The following FAM118A variants were observed in gnomAD, a reference collection of about 807,000 sequenced individuals.
FAM118A encodes SIR2 antiphage like 2.
Under a neutral mutation model 38.2 loss-of-function variants are expected in FAM118A, and 25 were observed. The ratio of observed to expected loss-of-function variants is 0.65; its 90% CI spans 0.48 to 0.91. The LOEUF (loss-of-function observed/expected upper bound fraction) is 0.91. Ranked by LOEUF, FAM118A falls within the 40% of genes least tolerant of loss-of-function variation. FAM118A has a pLI of 0.00. For synonymous variants in FAM118A, 178 were observed against 184.1 expected (o/e 0.97, Z 0.27); for missense variants, 425 against 463.3 (o/e 0.92, Z 0.76).
At chr22:45,332,370 T>C in intron 5 of FAM118A, 55 bp from the exon 6 acceptor site, 1 of 1,559,302 alleles carries the variant, frequency 6.4e-7, no homozygotes, top group South Asian at 1.2e-5. Context: ...TGGTTAGTTG[T>C]AAGCTCTTGC....
At chr22:45,324,908 G>C (rs773663179) in intron 3 of FAM118A, among the ~76,000 whole-genome samples, 3 of 152,204 alleles carry the variant, frequency 2.0e-5, no homozygotes, top group Admixed American at 6.5e-5. Flanking sequence ...TTAACCTGGC[G>C]TGGTGGCAGG....
chr22:45,335,215 C>T lies in FAM118A; in HGVS notation c.938-135C>T, dbSNP rs1260644430. The T allele has an allele frequency of 5.4e-5, 47 of 874,794 alleles. No individual in the cohort carries two copies. In the East Asian group the frequency reaches 1.0e-3, roughly 19 times the overall value. The allele number at this position is 874,794 out of a possible 1,614,324, so 54.2% of individuals were successfully genotyped here. On this transcript the variant is annotated intron_variant, in intron 6 of 8. Coordinates refer to ENST00000441876, the MANE Select transcript of FAM118A (RefSeq NM_017911.4). ...TGAGGGCAGCGAGCAGCGCAGGAGT[C>T]CGCAGCCCGCGCGGGCTGACCTGCC... is the stretch of plus-strand genomic sequence containing the variant.
intron 6 of FAM118A, among the ~76,000 whole-genome samples, chr22:45,334,144 T>C (rs1202189845): frequency 6.6e-6 from 1 of 152,246 alleles, no homozygotes; most frequent in Non-Finnish European, 1.5e-5. Flanking sequence ...CTTGGCACTT[T>C]TGAGAAATTG....
chr22:45,332,200 C>T (rs1456727346), intron 5 of FAM118A, among the ~76,000 whole-genome samples: 1 of 152,176 alleles, frequency 6.6e-6, no homozygotes, highest in Admixed American at 6.5e-5. Flanking sequence ...TGGGGACAGG[C>T]AGGCTCAGCC....
At chr22:45,337,511 C>T (rs1332934915) in intron 8 of FAM118A, among the ~76,000 whole-genome samples, 1 of 152,080 alleles carries the variant, frequency 6.6e-6, no homozygotes, top group Non-Finnish European at 1.5e-5. Context: ...TTTTTAGGTT[C>T]TTCTTTCCCC....
chr22:45,313,149 C>T (rs1383091217), intron 1 of FAM118A, among the ~76,000 whole-genome samples: 5 of 151,830 alleles, frequency 3.3e-5, no homozygotes, highest in East Asian at 1.9e-4. Context: ...AGTAGTAAGA[C>T]GGGAAACAGG....
intron 8 of FAM118A, chr22:45,337,875 G>T (rs1485894394): frequency 1.0e-6 from 1 of 985,324 alleles, no homozygotes; most frequent in East Asian, 1.1e-4. Flanking sequence ...TTTGGCATGG[G>T]ATTCTCCGTT....
chr22:45,323,077 A>T, intron 2 of FAM118A, 98 bp from the exon 3 acceptor site: 1 of 886,116 alleles, frequency 1.1e-6, no homozygotes, highest in Non-Finnish European at 1.6e-6. Flanking sequence ...GTGTGTGTGT[A>T]CACAGCACAA....
chr22:45,316,186 C>T (rs867288201), intron 1 of FAM118A, among the ~76,000 whole-genome samples: 8 of 152,108 alleles, frequency 5.3e-5, no homozygotes, highest in South Asian at 4.1e-4. Flanking sequence ...ATTACAGGTG[C>T]GCACCACCAT....
intron 8 of FAM118A, chr22:45,337,791 G>A: frequency 1.0e-6 from 1 of 983,444 alleles, no homozygotes; most frequent in Non-Finnish European, 1.2e-6. Context: ...CGCTTCTGCA[G>A]ACCCCAGTGT....
At position 45,327,973 on chromosome 22, in the gene FAM118A, C is replaced by G. The variant is rs9615108; in HGVS notation, c.432C>G (p.Val144=). The change falls in exon 4 of 9, where the codon GTC becomes GTG. Residue 144 remains valine, a synonymous_variant. Transcript: ENST00000441876. ...ILSLMDRGAM[V]LTTNYDNLLE... is the part of the protein sequence containing the mutation. Reference sequence around the variant, plus strand: ...GCCTGATGGACAGGGGCGCCATGGTCCTGACCACCAACTATGACAACCTGC... The same window carrying G: ...GCCTGATGGACAGGGGCGCCATGGTGCTGACCACCAACTATGACAACCTGC... The G allele has an allele frequency of 0.53, 803,263 of 1,504,652 alleles. 224,792 individuals are homozygous for G. The highest frequency in any genetic ancestry group is 0.59 in the Non-Finnish European group (640,755 of 1,083,234). The allele number at this position is 1,504,652 out of a possible 1,614,324, so 93.2% of individuals were successfully genotyped here. A position where few individuals can be genotyped will look rare whatever the true frequency, so the allele number is the denominator to read the frequency against.
chr22:45,319,511 G>C (rs1164910818), intron 1 of FAM118A, among the ~76,000 whole-genome samples: 1 of 152,182 alleles, frequency 6.6e-6, no homozygotes, highest in Non-Finnish European at 1.5e-5. Context: ...CTGAGCTGTT[G>C]GACTCAGCAG....
Position 45,335,697 on chromosome 22 carries a change from G to A in FAM118A, c.970+315G>A, listed in dbSNP as rs111472175. Among the ~76,000 whole-genome samples, 466 of 152,362 alleles carry A rather than the reference G, an allele frequency of 3.1e-3. 5 individuals are homozygous for A. Among genetic ancestry groups the A allele is most frequent in the African/African-American group, 0.011 (442 of 41,580 alleles). On this transcript the variant is annotated intron_variant, in intron 7 of 8. Transcript: ENST00000441876. ...GGTTCTATTTGTGTGATACCATGTG[G>A]TGCCAGATGCAGTGCCTTAGAATGA...
At chr22:45,329,665 G>C (rs572737519) in intron 4 of FAM118A, 1 of 152,394 alleles carries the variant, frequency 6.6e-6, no homozygotes, top group African/African-American at 2.4e-5. Context: ...GGGCAGGGCC[G>C]CCTGAGGGGA....
chr22:45,313,246 CTA>C (rs1375848023), intron 1 of FAM118A, among the ~76,000 whole-genome samples: 13 of 150,746 alleles, frequency 8.6e-5, no homozygotes, highest in African/African-American at 2.4e-4. Flanking sequence ...CCTCTGGTGA[CTA>C]TGTGGGACTA....
chr22:45,331,402 G>A (rs1016122256), intron 5 of FAM118A, among the ~76,000 whole-genome samples: 95 of 152,188 alleles, frequency 6.2e-4, no homozygotes, highest in East Asian at 7.7e-4. Flanking sequence ...AATAGACAGG[G>A]TCTTGCTCTG....
intron 1 of FAM118A, among the ~76,000 whole-genome samples, chr22:45,315,661 A>G (rs1344586916): frequency 1.3e-5 from 2 of 150,706 alleles, no homozygotes; most frequent in East Asian, 3.9e-4. Context: ...AGAGAGGTCT[A>G]CCTGGCTGGG....
intron 5 of FAM118A, among the ~76,000 whole-genome samples, chr22:45,331,848 A>G (rs2085744118): frequency 6.6e-6 from 1 of 152,002 alleles, no homozygotes; most frequent in Admixed American, 6.6e-5. Flanking sequence ...ACCCCATGCA[A>G]TCTGCTTTCC....
chr22:45,322,476 C>G (rs201574066), intron 2 of FAM118A, 50 bp downstream of exon 2: 2 of 1,504,476 alleles, frequency 1.3e-6, no homozygotes, highest in Non-Finnish European at 1.8e-6. Flanking sequence ...CTTCATCTAG[C>G]GTCTCTCGTG....
Sources: gnomAD v4.1 joint callset for allele counts (sites outside exome capture counted in the v4.1 genomes callset) on GRCh38, gnomAD v4.1.1 for gene constraint, MANE v1.5 for transcripts, NCBI Gene and HGNC (gene_info 2026-07-23, HGNC 2026-07-21) for gene names.